Variants in BTNL9 observed in about 807,000 individuals in gnomAD.
BTNL9 encodes the protein butyrophilin-like protein 9.
A neutral mutation model predicts 45.8 loss-of-function variants in BTNL9; 45 were observed. That is an observed-to-expected ratio of 0.98 (90% CI 0.77 to 1.26). The LOEUF (loss-of-function observed/expected upper bound fraction) is 1.26. Ranked by LOEUF, BTNL9 falls within the 50% of genes most tolerant of loss-of-function variation. The pLI is 0.00. For synonymous variants in BTNL9, 346 were observed against 330.8 expected, an observed-to-expected ratio of 1.05 and a Z score of -0.50; for missense variants, 784 against 729.7, an observed-to-expected ratio of 1.07 and a Z score of -0.86.
chr5:181,045,699 A>G, intron 2 of BTNL9, 101 bp downstream of exon 2: 1 of 911,944 alleles, frequency 1.1e-6, no homozygotes, highest in South Asian at 1.4e-5. Context: ...GGCGTGCCAG[A>G]CGCTAAAATA....
rs762475908 is a variant in BTNL9, at chr5:181,056,626, G to A, written c.955+611G>A. 10 of 717,288 alleles carry A rather than the reference G, an allele frequency of 1.4e-5. 1 individual carries two copies. Among genetic ancestry groups the A allele is most frequent in the Admixed American group, 1.0e-4 (5 of 49,992 alleles). The allele number at this position is 717,288 out of a possible 1,614,324, so 44.4% of individuals were successfully genotyped here. Reference sequence around the variant, plus strand: ...CAACACTGAATGCATAGTCTCAAACGTGTTGCCTTACGGCGCTGTGTGGAG... The same window carrying A: ...CAACACTGAATGCATAGTCTCAAACATGTTGCCTTACGGCGCTGTGTGGAG... On this transcript the variant is annotated intron_variant, in intron 9 of 10. Transcript: ENST00000327705.
At position 181,055,022 on chromosome 5, in the gene BTNL9, G is replaced by A; in HGVS notation, c.908-411G>A. 1.0e-6 allele frequency: 1 copy of A among 985,466 alleles called. No homozygotes were observed. The highest frequency in any genetic ancestry group is 1.2e-6 in the Non-Finnish European group (1 of 829,936). 61.0% of individuals were successfully genotyped at this position (985,466 alleles called of 1,614,324 possible). On this transcript the variant is annotated intron_variant, in intron 7 of 10. Transcript: ENST00000327705. This position sits in a 1 kb window ranked among gnomAD's most constrained non-coding sequence, Gnocchi z 4.4. ...ATTTGGGGAAATAATTGGGTGTGAT[G>A]TCCTTCCAGTCCTTCAGATAACGCA... is the stretch of plus-strand genomic sequence containing the variant.
Position 181,048,125 on chromosome 5 carries a change from G to A in BTNL9, c.308G>A (p.Arg103Lys), listed in dbSNP as rs1465001095. 3 of 1,613,670 alleles carry A rather than the reference G, an allele frequency of 1.9e-6. No individual in the cohort carries two copies. Among genetic ancestry groups the A allele is most frequent in the Admixed American group, 1.7e-5 (1 of 60,028 alleles). ...PGRQMPAFRN[R>K]TKLVKDDIAY... is the part of the protein sequence containing the mutation. Reference sequence around the variant, plus strand: ...AGGCAGATGCCGGCGTTCCGGAACAGGACCAAGTTGGTCAAGGACGACATC... The same window carrying A: ...AGGCAGATGCCGGCGTTCCGGAACAAGACCAAGTTGGTCAAGGACGACATC... Residue 103 changes from arginine (R) to lysine (K), a missense_variant, in exon 3 of 11, where the codon AGG (arginine) becomes AAG (lysine). Coordinates refer to ENST00000327705, the MANE Select transcript of BTNL9 (RefSeq NM_152547.5).
chr5:181,059,183 A>G, intron 10 of BTNL9, 54 bp from the exon 11 acceptor site: 1 of 1,428,830 alleles, frequency 7.0e-7, no homozygotes, highest in Non-Finnish European at 9.1e-7. Context: ...TGGGGAAGAC[A>G]CGGACGGGGC....
intron 1 of BTNL9, among the ~76,000 whole-genome samples, chr5:181,041,737 G>T (rs546427422): frequency 5.3e-5 from 8 of 152,202 alleles, no homozygotes; most frequent in Non-Finnish European, 1.0e-4. Flanking sequence ...TAATAAGAAT[G>T]ATTTATATTT....
chr5:181,047,467 CTCA>C, intron 2 of BTNL9: 1 of 987,938 alleles, frequency 1.0e-6, no homozygotes, highest in Non-Finnish European at 1.2e-6. Context: ...AATATCTATT[CTCA>C]TCATGCAGAA....
chr5:181,050,013 T>G lies in BTNL9; in HGVS notation c.455-75T>G. ...GATGCTTTATGGTGACTGCAAATGC[T>G]GAACAGTGGCAGGAATGTTATGCGT... On this transcript the variant is annotated intron_variant, in intron 3 of 10. Coordinates refer to ENST00000327705, the MANE Select transcript of BTNL9 (RefSeq NM_152547.5). The surrounding 1 kb of genome is among the most constrained non-coding windows in gnomAD (Gnocchi z 4.9). 1.3e-6 allele frequency: 2 copies of G among 1,528,692 alleles called. No homozygotes were observed. The highest frequency in any genetic ancestry group is 4.6e-4 in the Middle Eastern group (2 of 4,346). The allele number at this position is 1,528,692 out of a possible 1,614,324, so 94.7% of individuals were successfully genotyped here.
rs1346258197 is a variant in BTNL9 at position 181,053,616 on chromosome 5, C to T, written c.886+115C>T. On this transcript the variant is annotated intron_variant, in intron 6 of 10. Coordinates refer to ENST00000327705, the MANE Select transcript of BTNL9 (RefSeq NM_152547.5). This position sits in a 1 kb window ranked among gnomAD's most constrained non-coding sequence, Gnocchi z 6.5. ...ATTCCAGCGCGAGGTGTCAGGGCGG[C>T]CACCGGGGAACGGGGATCGGTGACC... is the stretch of plus-strand genomic sequence containing the variant. 2 of 1,546,166 alleles carry T rather than the reference C, an allele frequency of 1.3e-6. No homozygotes were observed. The highest frequency in any genetic ancestry group is 1.7e-6 in the Non-Finnish European group (2 of 1,144,208).
chr5:181,059,397 C>T lies in BTNL9; in HGVS notation c.1143C>T (p.Ala381=). Residue 381 remains alanine, a synonymous_variant, in exon 11 of 11, where the codon GCC becomes GCT. Coordinates refer to ENST00000327705, the MANE Select transcript of BTNL9 (RefSeq NM_152547.5). The stretch of plus-strand genomic sequence containing the variant: ...CGCTGAGCCTGGAGCGGTTCTCCGC[C>T]GGCCGCCACTACTGGGAGGTGCACG... The part of the protein sequence containing the change: ...TCALSLERFS[A]GRHYWEVHVG... 2 of 1,522,542 alleles carry T rather than the reference C, an allele frequency of 1.3e-6. No individual in the cohort carries two copies. The highest frequency in any genetic ancestry group is 1.2e-5 in the South Asian group (1 of 82,046). The allele number at this position is 1,522,542 out of a possible 1,614,324, so 94.3% of individuals were successfully genotyped here.
At chr5:181,054,209 T>A in intron 6 of BTNL9, 30 bp from the exon 7 acceptor site, 1 of 1,611,896 alleles carries the variant, frequency 6.2e-7, no homozygotes, top group South Asian at 1.1e-5. Context: ...TTTCCCCTTT[T>A]CTTCATCTTT....
At chr5:181,047,899 T>A in intron 2 of BTNL9, 28 bp from the exon 3 acceptor site, 1 of 1,590,062 alleles carries the variant, frequency 6.3e-7, no homozygotes, top group Non-Finnish European at 8.6e-7. Context: ...TGAGGGTTGC[T>A]TTTGCCTGTT....
In BTNL9 at chr5:181,050,891, A is replaced by G. The variant is rs570927315; in HGVS notation, c.736+522A>G. Among the ~76,000 whole-genome samples, 2 of 152,214 alleles carry G rather than the reference A, an allele frequency of 1.3e-5. No individual in the cohort carries two copies. Among genetic ancestry groups the G allele is most frequent in the South Asian group, 4.2e-4 (2 of 4,814 alleles). Reference sequence around the variant, plus strand: ...ATCATGAGGTCAGGAGTTCAAGACCAGCCTGGCCAAGATGGTGAATCCCCA... The same window carrying G: ...ATCATGAGGTCAGGAGTTCAAGACCGGCCTGGCCAAGATGGTGAATCCCCA... On this transcript the variant is annotated intron_variant, in intron 4 of 10. Transcript: ENST00000327705. This position sits in a 1 kb window ranked among gnomAD's most constrained non-coding sequence, Gnocchi z 4.9.
chr5:181,060,788 A>G lies in BTNL9; in HGVS notation c.*926A>G, dbSNP rs1271060271. On this transcript the variant is annotated 3_prime_UTR_variant, in exon 11 of 11. Transcript: ENST00000327705. ...CAAGTGATTAAATTTAACATCATCA[A>G]TGATGGGACCAAGGACATTATTAGT... The G allele has an allele frequency of 6.6e-6, 1 of 152,222 alleles. No individual in the cohort carries two copies. Among genetic ancestry groups the G allele is most frequent in the Non-Finnish European group, 1.5e-5 (1 of 68,042 alleles). 9.4% of individuals were successfully genotyped at this position (152,222 alleles called of 1,614,324 possible).
At chr5:181,048,880 TATATC>T (rs1318096042) in intron 3 of BTNL9, among the ~76,000 whole-genome samples, 1 of 141,326 alleles carries the variant, frequency 7.1e-6, no homozygotes, top group South Asian at 2.1e-4. Context: ...AGTTATATAA[TATATC>T]ATATATATGA....
chr5:181,054,406 G>T, intron 7 of BTNL9, 147 bp downstream of exon 7: 1 of 1,494,452 alleles, frequency 6.7e-7, no homozygotes. Context: ...CCTTGCTAAG[G>T]GGCTGAAAGG....
chr5:181,040,701 T>C (rs1037902653), intron 1 of BTNL9, among the ~76,000 whole-genome samples: 51 of 152,334 alleles, frequency 3.3e-4, no homozygotes, highest in African/African-American at 1.2e-3. Context: ...GGTTCCCTTC[T>C]TGGGGCAGTC....
intron 10 of BTNL9, among the ~76,000 whole-genome samples, 189 bp downstream of exon 10, chr5:181,058,567 CAT>C (rs1419090453): frequency 6.6e-6 from 1 of 152,168 alleles, no homozygotes; most frequent in African/African-American, 2.4e-5. Context: ...TATGCACACA[CAT>C]GCACACGTGA....
Position 181,053,919 on chromosome 5 carries a change from C to T in BTNL9, c.887-320C>T. The T allele has an allele frequency of 6.6e-7, 1 of 1,512,194 alleles. No homozygotes were observed. Among genetic ancestry groups the T allele is most frequent in the Non-Finnish European group, 8.8e-7 (1 of 1,131,936 alleles). 93.7% of individuals were successfully genotyped at this position (1,512,194 alleles called of 1,614,324 possible). On this transcript the variant is annotated intron_variant, in intron 6 of 10. Coordinates refer to ENST00000327705, the MANE Select transcript of BTNL9 (RefSeq NM_152547.5). The surrounding 1 kb of genome is among the most constrained non-coding windows in gnomAD (Gnocchi z 6.5). ...GCGGTCAGGCACCGAGAAAACAGCC[C>T]AGTTACGTGAGGCAGTGTCCGGGGC... is the stretch of plus-strand genomic sequence containing the variant.
chr5:181,053,983 G>A lies in BTNL9; in HGVS notation c.887-256G>A. The A allele has an allele frequency of 6.5e-7, 1 of 1,533,202 alleles. No individual in the cohort carries two copies. The highest frequency in any genetic ancestry group is 8.7e-7 in the Non-Finnish European group (1 of 1,143,932). 95.0% of individuals were successfully genotyped at this position (1,533,202 alleles called of 1,614,324 possible). A position where few individuals can be genotyped will look rare whatever the true frequency, so the allele number is the denominator to read the frequency against. On this transcript the variant is annotated intron_variant, in intron 6 of 10. Transcript: ENST00000327705. The surrounding 1 kb of genome is among the most constrained non-coding windows in gnomAD (Gnocchi z 6.5). ...CGAGCTAATAGATTTGGGAGGCTCC[G>A]ACCCTGATTTTCACACTAGCAGGAG...
Sources: allele counts gnomAD v4.1 joint callset (sites outside exome capture counted in the v4.1 genomes callset), GRCh38; gene constraint gnomAD v4.1.1; non-coding constraint Gnocchi (gnomAD v3.1); transcripts MANE v1.5; gene names NCBI Gene and HGNC (gene_info 2026-07-23, HGNC 2026-07-21).